The following EGLN1 variants were observed in gnomAD, a reference collection of about 807,000 sequenced individuals.
The protein encoded by EGLN1 is egl nine homolog 1.
A neutral mutation model predicts 38.3 loss-of-function variants in EGLN1; 17 were observed. That is an observed-to-expected ratio of 0.44 (90% confidence interval 0.30 to 0.67). The LOEUF (loss-of-function observed/expected upper bound fraction) is 0.67. Ranked by LOEUF, EGLN1 falls within the 30% of genes least tolerant of loss-of-function variation. The probability of loss-of-function intolerance (pLI) is 0.08; values close to 1 mark genes in which losing one functional copy is unlikely to be tolerated. For missense variants in EGLN1, 477 were observed against 603.3 expected, an observed-to-expected ratio of 0.79 and a Z score of 2.19; for synonymous variants, 283 against 257.5, an observed-to-expected ratio of 1.10 and a Z score of -0.95.
At chr1:231,418,558 A>C (rs1390279766) in intron 1 of EGLN1, among the ~76,000 whole-genome samples, 1 of 152,186 alleles carries the variant, frequency 6.6e-6, no homozygotes, top group Non-Finnish European at 1.5e-5. Context: ...AACACTACTC[A>C]CTTCACAGAA....
At chr1:231,382,239 G>C (rs1688095021) in intron 1 of EGLN1, among the ~76,000 whole-genome samples, 2 of 152,174 alleles carry the variant, frequency 1.3e-5, no homozygotes, top group Admixed American at 6.5e-5. Flanking sequence ...GTCTAGAAGA[G>C]TTACGATTTA....
chr1:231,388,800 G>A (rs373774073), intron 1 of EGLN1, among the ~76,000 whole-genome samples: 102 of 152,096 alleles, frequency 6.7e-4, no homozygotes, highest in African/African-American at 2.3e-3. Flanking sequence ...GACTACAGGC[G>A]CCCACCACCA....
intron 1 of EGLN1, among the ~76,000 whole-genome samples, chr1:231,419,630 C>T (rs977379064): frequency 1.5e-4 from 23 of 152,146 alleles, no homozygotes; most frequent in African/African-American, 5.1e-4. Flanking sequence ...GAAATTTCAT[C>T]AGATCCCCCT....
chr1:231,386,600 C>A (rs961512793), intron 1 of EGLN1, among the ~76,000 whole-genome samples: 3 of 151,116 alleles, frequency 2.0e-5, no homozygotes, highest in African/African-American at 7.3e-5. Flanking sequence ...ATTTTTTTTT[C>A]TGGGTTTCCC....
chr1:231,370,425 T>C (rs1267165205), intron 3 of EGLN1, 137 bp downstream of exon 3: 11 of 915,834 alleles, frequency 1.2e-5, no homozygotes, highest in Non-Finnish European at 1.9e-5. Context: ...ATAAATCTTA[T>C]ACAATTATTC....
chr1:231,383,862 G>A (rs1001572243), intron 1 of EGLN1, among the ~76,000 whole-genome samples: 3 of 151,976 alleles, frequency 2.0e-5, no homozygotes, highest in Admixed American at 6.6e-5. Flanking sequence ...CTGAGATCCC[G>A]TACTTTTTTT....
intron 1 of EGLN1, among the ~76,000 whole-genome samples, chr1:231,408,740 A>G (rs1688854902): frequency 6.6e-6 from 1 of 152,180 alleles, no homozygotes; most frequent in Non-Finnish European, 1.5e-5. Context: ...AACCAGCCAC[A>G]GTGAAGTATG....
At chr1:231,413,100 G>C (rs1387829226) in intron 1 of EGLN1, among the ~76,000 whole-genome samples, 3 of 151,940 alleles carry the variant, frequency 2.0e-5, no homozygotes, top group Admixed American at 6.5e-5. Context: ...TTTTGAGACA[G>C]AGTCTCACGC....
intron 1 of EGLN1, among the ~76,000 whole-genome samples, chr1:231,401,126 A>G (rs1160285219): frequency 6.6e-6 from 1 of 152,144 alleles, no homozygotes; most frequent in Non-Finnish European, 1.5e-5. Context: ...GAAAATAAAT[A>G]CAACACCCCT....
chr1:231,417,366 A>G (rs1689112484), intron 1 of EGLN1, among the ~76,000 whole-genome samples: 1 of 152,192 alleles, frequency 6.6e-6, no homozygotes, highest in Non-Finnish European at 1.5e-5. Context: ...TGTTATGTAT[A>G]TGATTCTAGT....
At chr1:231,420,656 C>T (rs1406588406) in intron 1 of EGLN1, among the ~76,000 whole-genome samples, 2 of 152,112 alleles carry the variant, frequency 1.3e-5, no homozygotes, top group Non-Finnish European at 2.9e-5. Flanking sequence ...CACCCCTTCA[C>T]TGGGTGGCTA....
chr1:231,388,789 G>C (rs1359931797), intron 1 of EGLN1, among the ~76,000 whole-genome samples: 2 of 152,066 alleles, frequency 1.3e-5, no homozygotes, highest in Non-Finnish European at 2.9e-5. Flanking sequence ...CAAGCAGCTG[G>C]GACTACAGGC....
chr1:231,373,893 G>C, intron 2 of EGLN1, 87 bp downstream of exon 2: 1 of 1,491,476 alleles, frequency 6.7e-7, no homozygotes, highest in South Asian at 1.2e-5. Context: ...CTGTGTCTGT[G>C]ACAGTCTTAT....
chr1:231,408,708 T>C (rs1262486211), intron 1 of EGLN1, among the ~76,000 whole-genome samples: 3 of 152,166 alleles, frequency 2.0e-5, no homozygotes, highest in East Asian at 3.9e-4. Context: ...TGGCTCACTA[T>C]AGTAGAGGAA....
chr1:231,410,807 G>A (rs938537126), intron 1 of EGLN1, among the ~76,000 whole-genome samples: 2 of 137,552 alleles, frequency 1.5e-5, no homozygotes, highest in Non-Finnish European at 3.0e-5. Flanking sequence ...TTTAAAGGTG[G>A]GGTGGTTAAT....
At position 231,384,543 on chromosome 1, in the gene EGLN1, G is replaced by T. The variant is rs572895686; in HGVS notation, c.892-10444C>A. ...AGGCAGAAGGAATAAATGGTGCAAA[G>T]AATCAGGTGGCAATGGGCCTGGCAT... On this transcript the variant is annotated intron_variant, in intron 1 of 4. Transcript: ENST00000366641. Among the ~76,000 whole-genome samples, 5 of 152,312 alleles carry T rather than the reference G, an allele frequency of 3.3e-5. No individual in the cohort carries two copies. In the East Asian group the frequency reaches 7.7e-4, roughly 23 times the overall value.
At chr1:231,416,868 G>A (rs1245240279) in intron 1 of EGLN1, among the ~76,000 whole-genome samples, 1 of 152,066 alleles carries the variant, frequency 6.6e-6, no homozygotes, top group African/African-American at 2.4e-5. Flanking sequence ...TCTACATACA[G>A]AGTAACTCAC....
chr1:231,371,935 T>C (rs1687833793), intron 2 of EGLN1, among the ~76,000 whole-genome samples: 1 of 152,208 alleles, frequency 6.6e-6, no homozygotes, highest in Admixed American at 6.5e-5. Context: ...TCTAGCTACT[T>C]TGATACCCTT....
chr1:231,412,486 T>C (rs1688978897), intron 1 of EGLN1, among the ~76,000 whole-genome samples: 1 of 152,220 alleles, frequency 6.6e-6, no homozygotes, highest in South Asian at 2.1e-4. Flanking sequence ...TATATTTCTT[T>C]TTACGTGGAT....
Sources: gnomAD v4.1 joint callset for allele counts (sites outside exome capture counted in the v4.1 genomes callset) on GRCh38, gnomAD v4.1.1 for gene constraint, MANE v1.5 for transcripts, NCBI Gene and HGNC (gene_info 2026-07-23, HGNC 2026-07-21) for gene names.